Variants in DPP10 observed in about 807,000 individuals in gnomAD.
DPP10 encodes the protein dipeptidyl peptidase like 10, also known as inactive dipeptidyl peptidase 10.
DPP10 carries 33 observed loss-of-function variants against 120.9 expected under a neutral mutation model. The ratio of observed to expected loss-of-function variants is 0.27; its 90% CI spans 0.21 to 0.37. The LOEUF (loss-of-function observed/expected upper bound fraction) is 0.37, where lower values mean the gene tolerates loss of function less well. Among genes scored for constraint, DPP10 ranks in the 10% least tolerant of loss-of-function variants. DPP10 has a pLI of 1.00. For missense variants in DPP10, 816 were observed against 942.8 expected (o/e 0.87, Z 1.76); for synonymous variants, 337 against 326.1 (o/e 1.03, Z -0.36).
chr2:115,265,618 C>A (rs1362071799), intron 1 of DPP10, among the ~76,000 whole-genome samples: 1 of 152,058 alleles, frequency 6.6e-6, no homozygotes, highest in African/African-American at 2.4e-5. Context: ...TAGCCACTCA[C>A]TAAATGAATG....
chr2:115,392,776 ATTCT>A (rs2067408135), intron 3 of DPP10, among the ~76,000 whole-genome samples: 1 of 152,152 alleles, frequency 6.6e-6, no homozygotes, highest in Admixed American at 6.5e-5. Flanking sequence ...AGACAGATTA[ATTCT>A]TTATATTCAT....
chr2:115,180,958 A>G (rs931405511), intron 1 of DPP10, among the ~76,000 whole-genome samples: 1 of 87,864 alleles, frequency 1.1e-5, no homozygotes, highest in Non-Finnish European at 3.2e-5. Flanking sequence ...AAGCAACAGG[A>G]AATAAAGAAG....
At chr2:115,388,810 G>A (rs2067131433) in intron 3 of DPP10, among the ~76,000 whole-genome samples, 1 of 152,142 alleles carries the variant, frequency 6.6e-6, no homozygotes, top group African/African-American at 2.4e-5. Flanking sequence ...ATTCCACAAA[G>A]AATTTCCAAT....
At chr2:115,006,420 G>T (rs1346582757) in intron 1 of DPP10, among the ~76,000 whole-genome samples, 1 of 151,850 alleles carries the variant, frequency 6.6e-6, no homozygotes, top group African/African-American at 2.4e-5. Context: ...GACACAGACT[G>T]GCAAATTAGA....
intron 19 of DPP10, among the ~76,000 whole-genome samples, chr2:115,802,875 T>C (rs1685436231): frequency 1.3e-5 from 2 of 152,188 alleles, no homozygotes; most frequent in East Asian, 1.9e-4. Context: ...TTGGAATAGG[T>C]GTGGTGTGGT....
chr2:115,460,094 A>G lies in DPP10; in HGVS notation c.272-39416A>G, dbSNP rs2073900310. Among the ~76,000 whole-genome samples the G allele has an allele frequency of 3.9e-5, 6 of 151,958 alleles. No homozygotes were observed. The South Asian group carries it at 1.2e-3, about 32-fold the overall frequency. ...AATGTAGTACATTTTCCTCTGTAGA[A>G]TTAGTAACCATAGTATTCATTTGAA... On this transcript the variant is annotated intron_variant, in intron 3 of 25. Transcript: ENST00000410059.
intron 1 of DPP10, among the ~76,000 whole-genome samples, chr2:115,197,661 A>G (rs1001104976): frequency 4.6e-5 from 7 of 152,210 alleles, no homozygotes; most frequent in Non-Finnish European, 1.0e-4. Flanking sequence ...AGAGCCTGCT[A>G]TAAACCCTAA....
intron 1 of DPP10, among the ~76,000 whole-genome samples, chr2:115,009,178 C>A (rs573857627): frequency 1.6e-3 from 227 of 145,038 alleles, no homozygotes; most frequent in African/African-American, 5.7e-3. Flanking sequence ...TGGAACCAAC[C>A]CAAATGTCCA....
chr2:114,576,865 G>A (rs1057177823), intron 1 of DPP10, among the ~76,000 whole-genome samples: 5 of 148,958 alleles, frequency 3.4e-5, no homozygotes, highest in Non-Finnish European at 7.4e-5. Context: ...CAATGAATTG[G>A]GAAGAGTGTT....
intron 1 of DPP10, among the ~76,000 whole-genome samples, chr2:114,559,556 C>A (rs1272944590): frequency 6.6e-6 from 1 of 152,120 alleles, no homozygotes; most frequent in Non-Finnish European, 1.5e-5. Context: ...ACATAAGCAA[C>A]AGGAAACTCA....
chr2:115,372,761 T>G (rs1050599425), intron 3 of DPP10, among the ~76,000 whole-genome samples: 8 of 152,200 alleles, frequency 5.3e-5, no homozygotes, highest in Non-Finnish European at 1.2e-4. Flanking sequence ...GTTAGAGTAA[T>G]GTAAGCGTTG....
At chr2:115,020,611 G>C (rs1051377540) in intron 1 of DPP10, among the ~76,000 whole-genome samples, 28 of 152,056 alleles carry the variant, frequency 1.8e-4, no homozygotes, top group African/African-American at 6.5e-4. Flanking sequence ...CATCAAGACA[G>C]AAACTCAACA....
chr2:115,130,462 T>TTCCATCCATGCA (rs1335528196), intron 1 of DPP10, among the ~76,000 whole-genome samples: 4 of 150,184 alleles, frequency 2.7e-5, no homozygotes, highest in South Asian at 2.1e-4. Flanking sequence ...GGTATTATCC[T>TTCCATCCATGCA]TCCATCCATG....
chr2:115,662,110 C>G (rs997387675), intron 5 of DPP10, among the ~76,000 whole-genome samples: 24 of 152,066 alleles, frequency 1.6e-4, no homozygotes, highest in African/African-American at 5.6e-4. Flanking sequence ...AAGTGAGATC[C>G]TAGAGTATTT....
At chr2:115,639,937 T>G (rs891995950) in intron 5 of DPP10, among the ~76,000 whole-genome samples, 2 of 151,828 alleles carry the variant, frequency 1.3e-5, no homozygotes, top group African/African-American at 4.9e-5. Flanking sequence ...AAGTGATTTT[T>G]TTTTAACTGA....
chr2:115,225,514 T>C (rs1285081051), intron 1 of DPP10, among the ~76,000 whole-genome samples: 1 of 149,520 alleles, frequency 6.7e-6, no homozygotes, highest in East Asian at 2.0e-4. Flanking sequence ...TGTGTGTGCG[T>C]GTGTGTGTGT....
rs528596558 is a variant in DPP10 at position 114,896,165 on chromosome 2, C to T, written c.61-413074C>T. Among the ~76,000 whole-genome samples the T allele has an allele frequency of 8.6e-3, 1,314 of 152,188 alleles. 19 individuals carry two copies. Among genetic ancestry groups the T allele is most frequent in the African/African-American group, 0.03 (1,253 of 41,520 alleles). ...TGTAGTATAGTTTGAAGTCAGGTAGCGTGATGCCTCCGGCTTTGTTCTTTT... is the reference window on the plus strand; with the variant it reads ...TGTAGTATAGTTTGAAGTCAGGTAGTGTGATGCCTCCGGCTTTGTTCTTTT... On this transcript the variant is annotated intron_variant, in intron 1 of 25. Coordinates refer to ENST00000410059, the MANE Select transcript of DPP10 (RefSeq NM_020868.6).
At chr2:115,727,999 A>G in intron 8 of DPP10, 63 bp downstream of exon 8, 4 of 1,531,850 alleles carry the variant, frequency 2.6e-6, no homozygotes, top group South Asian at 2.5e-5. Context: ...AAATCTACCA[A>G]AAAAAATCTA....
intron 1 of DPP10, among the ~76,000 whole-genome samples, chr2:115,157,044 G>C (rs1212930962): frequency 6.6e-6 from 1 of 151,912 alleles, no homozygotes; most frequent in Admixed American, 6.6e-5. Flanking sequence ...ATCCCTTGTT[G>C]GGCATCTAGT....
Sources: allele counts gnomAD v4.1 joint callset (sites outside exome capture counted in the v4.1 genomes callset), GRCh38; gene constraint gnomAD v4.1.1; transcripts MANE v1.5; gene names NCBI Gene and HGNC (gene_info 2026-07-23, HGNC 2026-07-21).